The following DNM2 variants were observed in gnomAD, a reference collection of about 807,000 sequenced individuals.
The protein encoded by DNM2 is dynamin-2.
Under a neutral mutation model 99.0 loss-of-function variants are expected in DNM2, and 15 were observed. The ratio of observed to expected loss-of-function variants is 0.15; its 90% confidence interval spans 0.10 to 0.23. The LOEUF is 0.23. Ranked by LOEUF, DNM2 falls within the 10% of genes least tolerant of loss-of-function variation. The pLI is 1.00. For missense variants in DNM2, 742 were observed against 1,189.4 expected, an observed-to-expected ratio of 0.62 and a Z score of 5.53; for synonymous variants, 525 against 481.2, an observed-to-expected ratio of 1.09 and a Z score of -1.19.
Position 10,720,218 on chromosome 19 carries a change from T to TTA in DNM2, c.161+1816_161+1817insAT, listed in dbSNP as rs1555696495. 1.9e-4 allele frequency among the ~76,000 whole-genome samples: 28 copies of TTA among 144,424 alleles called. No homozygotes were observed. In the East Asian group the frequency reaches 3.8e-3, roughly 20 times the overall value. The allele number at this position is 144,424 out of a possible 152,430, so 94.7% of individuals were successfully genotyped here. ...TATTTTATTTTATTTATTTATTTAT[T>TTA]TTTTTTTTTTTTGAGACAGAGTCTC... On this transcript the variant is annotated intron_variant, in intron 1 of 20. Coordinates refer to ENST00000389253, the MANE Select transcript of DNM2 (RefSeq NM_001005361.3).
intron 1 of DNM2, 198 bp downstream of exon 1, chr19:10,718,601 G>T: frequency 3.8e-6 from 3 of 788,444 alleles, no homozygotes; most frequent in Non-Finnish European, 5.0e-6. Context: ...GAGCAGGCCC[G>T]GGCCCCAGGG....
At chr19:10,734,638 CAA>C (rs61458566) in intron 1 of DNM2, among the ~76,000 whole-genome samples, 207 of 58,526 alleles carry the variant, frequency 3.5e-3, no homozygotes, top group African/African-American at 0.012. Context: ...GACCCTGTCT[CAA>C]AAAAAAAAAA....
chr19:10,748,172 T>G (rs2070062067), intron 1 of DNM2, among the ~76,000 whole-genome samples: 1 of 152,130 alleles, frequency 6.6e-6, no homozygotes. Context: ...CAAAGGGGTT[T>G]ACAGTGACAT....
chr19:10,721,607 A>G (rs1269851847), intron 1 of DNM2, among the ~76,000 whole-genome samples: 1 of 152,072 alleles, frequency 6.6e-6, no homozygotes, highest in Non-Finnish European at 1.5e-5. Context: ...GGAGGGGTGC[A>G]GTCCTAGCTC....
Position 10,830,915 on chromosome 19 carries a change from T to C in DNM2, c.2544-63T>C. On this transcript the variant is annotated intron_variant, in intron 20 of 20. Transcript: ENST00000389253. This position sits in a 1 kb window ranked among gnomAD's most constrained non-coding sequence, Gnocchi z 4.8. ...GGGGGCTGGGTCCTCAACCCAGGCC[T>C]GCCTCTTGCTCCCGGCCTCACTGCC... 2 of 1,552,702 alleles carry C rather than the reference T, an allele frequency of 1.3e-6. No homozygotes were observed. Among genetic ancestry groups the C allele is most frequent in the African/African-American group, 1.4e-5 (1 of 73,318 alleles).
rs375151459 is a variant in DNM2, at chr19:10,772,559, G to A, written c.316G>A (p.Asp106Asn). The change falls in exon 3 of 21, where the codon GAC (aspartate) becomes AAC (asparagine). Residue 106 changes from aspartate to asparagine, a missense_variant. Physicochemically the swap from Asp to Asn is conservative, Grantham distance 23. Transcript: ENST00000389253. The surrounding 1 kb of genome is among the most constrained non-coding windows in gnomAD (Gnocchi z 4.9). ...EVRQEIEAET[D>N]RVTGTNKGIS... ...CCGGCAGGAGATTGAAGCAGAGACC[G>A]ACAGGGTCACGGGGACCAACAAAGG... 134 of 1,614,142 alleles carry A rather than the reference G, an allele frequency of 8.3e-5. 1 individual carries two copies. The highest frequency in any genetic ancestry group is 6.5e-4 in the East Asian group (29 of 44,886).
At chr19:10,759,658 T>TG (rs2070549334) in intron 1 of DNM2, 80 bp from the exon 2 acceptor site, 1 of 1,569,220 alleles carries the variant, frequency 6.4e-7, no homozygotes, top group African/African-American at 1.4e-5. Flanking sequence ...AAGACAGAGT[T>TG]GCTCCACCAC....
In DNM2 at chr19:10,772,704, A is replaced by C; in HGVS notation, c.385+76A>C. 1.3e-6 allele frequency: 2 copies of C among 1,599,676 alleles called. No homozygotes were observed. The highest frequency in any genetic ancestry group is 1.3e-5 in the African/African-American group (1 of 74,712). ...GACAGTGCTATGGGTGAGCCTGTGT[A>C]CTTCCACTCATGGGTATCATGTGCC... On this transcript the variant is annotated intron_variant, in intron 3 of 20. Coordinates refer to ENST00000389253, the MANE Select transcript of DNM2 (RefSeq NM_001005361.3). The surrounding 1 kb of genome is among the most constrained non-coding windows in gnomAD (Gnocchi z 4.9).
intron 1 of DNM2, among the ~76,000 whole-genome samples, chr19:10,757,861 C>T (rs1314818114): frequency 6.7e-6 from 1 of 148,870 alleles, no homozygotes; most frequent in Non-Finnish European, 1.5e-5. Context: ...AGGAGAATCG[C>T]TTGAACCCGA....
chr19:10,828,642 A>G (rs933702054), intron 18 of DNM2, among the ~76,000 whole-genome samples: 4 of 152,156 alleles, frequency 2.6e-5, no homozygotes, highest in African/African-American at 9.7e-5. Context: ...AGGTTAAGGA[A>G]ATAAATAAAT....
At chr19:10,801,328 A>C (rs145752108) in intron 11 of DNM2, among the ~76,000 whole-genome samples, 7 of 151,836 alleles carry the variant, frequency 4.6e-5, no homozygotes, top group African/African-American at 1.2e-4. Flanking sequence ...AAAAGAAAAA[A>C]ATACAAGGCA....
At chr19:10,794,345 G>T (rs1282767053) in intron 8 of DNM2, among the ~76,000 whole-genome samples, 1 of 56,136 alleles carries the variant, frequency 1.8e-5, no homozygotes, top group African/African-American at 8.2e-5. Context: ...TTCTTTTTCC[G>T]TGTGTGTGTG....
rs972593385 is a variant in DNM2, at chr19:10,772,740, C to T, written c.385+112C>T. 10 of 1,496,694 alleles carry T rather than the reference C, an allele frequency of 6.7e-6. No homozygotes were observed. In the African/African-American group the frequency reaches 1.2e-4, roughly 19 times the overall value. The allele number at this position is 1,496,694 out of a possible 1,614,324, so 92.7% of individuals were successfully genotyped here. A position where few individuals can be genotyped will look rare whatever the true frequency, so the allele number is the denominator to read the frequency against. The stretch of plus-strand genomic sequence containing the variant: ...TGGGTATCATGTGCCCATTCACAAA[C>T]AGTTGATATTCACACACACATAGCC... On this transcript the variant is annotated intron_variant, in intron 3 of 20. Transcript: ENST00000389253. The surrounding 1 kb of genome is among the most constrained non-coding windows in gnomAD (Gnocchi z 4.9).
In DNM2 at chr19:10,795,236, A is replaced by T. The variant is rs879830116; in HGVS notation, c.1129-136A>T. The T allele has an allele frequency of 9.5e-6, 8 of 840,174 alleles. No individual in the cohort carries two copies. Among genetic ancestry groups the T allele is most frequent in the South Asian group, 1.4e-5 (1 of 71,492 alleles). 52.0% of individuals were successfully genotyped at this position (840,174 alleles called of 1,614,324 possible). On this transcript the variant is annotated intron_variant, in intron 8 of 20. Transcript: ENST00000389253. The surrounding 1 kb of genome is among the most constrained non-coding windows in gnomAD (Gnocchi z 4.2). ...GTATCTGGCCAGTTTTCAATTTTTT[A>T]AATAAAATTTTGACGAGTTAAATAT...
In DNM2 at chr19:10,777,234, C is replaced by G. The variant is rs1350584372; in HGVS notation, c.688+18C>G. 1.2e-6 allele frequency: 2 copies of G among 1,613,042 alleles called. No homozygotes were observed. Among genetic ancestry groups the G allele is most frequent in the Non-Finnish European group, 1.7e-6 (2 of 1,179,322 alleles). On this transcript the variant is annotated intron_variant, in intron 5 of 20. Coordinates refer to ENST00000389253, the MANE Select transcript of DNM2 (RefSeq NM_001005361.3). Reference sequence around the variant, plus strand: ...GAGAAGAGGTGTGGCTTTGGGGGTGCTGGGGAAGCAGGAGGATGGGTGGGG... The same window carrying G: ...GAGAAGAGGTGTGGCTTTGGGGGTGGTGGGGAAGCAGGAGGATGGGTGGGG...
At chr19:10,770,179 T>A (rs1300954082) in intron 2 of DNM2, among the ~76,000 whole-genome samples, 5 of 152,260 alleles carry the variant, frequency 3.3e-5, no homozygotes, top group Non-Finnish European at 7.3e-5. Context: ...CTCTTCTTTC[T>A]GCCTTGAAGA....
In DNM2 at chr19:10,795,806, A is replaced by G. The variant is rs77378520; in HGVS notation, c.1196+367A>G. ...TGGGAAGCCAGCATGAGTCCCCATCATGGCTTCCTCGTGAGCCTCTTGGGT... is the reference window on the plus strand; with the variant it reads ...TGGGAAGCCAGCATGAGTCCCCATCGTGGCTTCCTCGTGAGCCTCTTGGGT... On this transcript the variant is annotated intron_variant, in intron 9 of 20. Coordinates refer to ENST00000389253, the MANE Select transcript of DNM2 (RefSeq NM_001005361.3). This position sits in a 1 kb window ranked among gnomAD's most constrained non-coding sequence, Gnocchi z 4.2. 8.5e-3 allele frequency: 5,208 copies of G among 609,624 alleles called. 388 individuals carry two copies. In the East Asian group the frequency reaches 0.14, roughly 16 times the overall value. 37.8% of individuals were successfully genotyped at this position (609,624 alleles called of 1,614,324 possible). A position where few individuals can be genotyped will look rare whatever the true frequency, so the allele number is the denominator to read the frequency against.
Position 10,825,070 on chromosome 19 carries a change from A to T in DNM2, c.1907A>T (p.Asp636Val). The T allele has an allele frequency of 6.2e-7, 1 of 1,614,090 alleles. No homozygotes were observed. ...TCCCGCTTGCAGGCAGAAAACGAGG[A>T]TGGGGCCCAGGAGAACACCTTCTCC... ...YPEKDQAENEDGAQENTFSMD... is the reference protein window; with the variant it reads ...YPEKDQAENEVGAQENTFSMD... Residue 636 changes from aspartate (D) to valine (V), a missense_variant, in exon 18 of 21, where the codon GAT becomes GTT. Coordinates refer to ENST00000389253, the MANE Select transcript of DNM2 (RefSeq NM_001005361.3).
intron 7 of DNM2, among the ~76,000 whole-genome samples, chr19:10,790,007 C>T (rs1395600307): frequency 6.6e-6 from 1 of 152,242 alleles, no homozygotes; most frequent in Admixed American, 6.5e-5. Flanking sequence ...CAGGCACTCT[C>T]ACCATGGAGA....
Sources: gnomAD v4.1 joint callset for allele counts (sites outside exome capture counted in the v4.1 genomes callset) on GRCh38, gnomAD v4.1.1 for gene constraint, Gnocchi (gnomAD v3.1) non-coding constraint, MANE v1.5 for transcripts, NCBI Gene and HGNC (gene_info 2026-07-23, HGNC 2026-07-21) for gene names.